Variants in NCSTN observed in about 807,000 individuals in gnomAD.
NCSTN encodes nicastrin.
Under a neutral mutation model 87.0 loss-of-function variants are expected in NCSTN, and 22 were observed. The ratio of observed to expected loss-of-function variants is 0.25; its 90% confidence interval spans 0.18 to 0.36. NCSTN has a LOEUF of 0.36. Among genes scored for constraint, NCSTN ranks in the 10% least tolerant of loss-of-function variants. The probability of loss-of-function intolerance (pLI) is 1.00; values close to 1 mark genes in which losing one functional copy is unlikely to be tolerated. For missense variants in NCSTN, 693 were observed against 883.3 expected, an observed-to-expected ratio of 0.78 and a Z score of 2.73; for synonymous variants, 306 against 327.1, an observed-to-expected ratio of 0.94 and a Z score of 0.69.
At chr1:160,349,240 G>A in intron 3 of NCSTN, 118 bp downstream of exon 3, 5 of 1,388,264 alleles carry the variant, frequency 3.6e-6, no homozygotes, top group Non-Finnish European at 5.0e-6. Context: ...AGGGGAGAGG[G>A]CAGGGTGGTC....
intron 10 of NCSTN, 112 bp from the exon 11 acceptor site, chr1:160,354,006 G>A: frequency 4.3e-6 from 5 of 1,156,210 alleles, no homozygotes; most frequent in Non-Finnish European, 6.3e-6. Context: ...ACTAGAGATA[G>A]GGTAGCTCCC....
chr1:160,348,317 A>G (rs1314845548), intron 2 of NCSTN, among the ~76,000 whole-genome samples: 1 of 152,242 alleles, frequency 6.6e-6, no homozygotes, highest in African/African-American at 2.4e-5. Context: ...GCATCCTGGC[A>G]CATAGAGAAA....
chr1:160,357,027 C>T lies in NCSTN; in HGVS notation c.1795-14C>T, dbSNP rs376736639. The T allele has an allele frequency of 9.9e-5, 159 of 1,607,506 alleles. 1 individual carries two copies. Among genetic ancestry groups the T allele is most frequent in the Non-Finnish European group, 1.3e-4 (157 of 1,174,442 alleles). On this transcript the variant is annotated splice_polypyrimidine_tract_variant and intron_variant, in intron 15 of 16. Transcript: ENST00000294785. ...ATCACCCTAGCCGTGTGTTGTGGCG[C>T]ATCTTCTGTGCAGCTGTATGAGTAC...
intron 1 of NCSTN, chr1:160,344,469 CT>C: frequency 6.6e-7 from 1 of 1,512,634 alleles, no homozygotes; most frequent in Non-Finnish European, 8.8e-7. Flanking sequence ...AGTTTTCTCT[CT>C]TTTAGTGTCA....
chr1:160,345,760 C>T (rs1327872684), intron 2 of NCSTN, among the ~76,000 whole-genome samples: 1 of 150,374 alleles, frequency 6.7e-6, no homozygotes, highest in Non-Finnish European at 1.5e-5. Context: ...ATGGTGAAAC[C>T]CCCCCATCTC....
rs1050620433 is a variant in NCSTN at position 160,356,732 on chromosome 1, A to G, written c.1772A>G (p.Lys591Arg). 3 of 1,614,244 alleles carry G rather than the reference A, an allele frequency of 1.9e-6. No homozygotes were observed. The highest frequency in any genetic ancestry group is 1.7e-6 in the Non-Finnish European group (2 of 1,180,044). ...LTREQCQDPS[K>R]VPSENKDLYE... ...CGAGAGCAGTGCCAGGATCCAAGTAAAGTCCCAAGTGAAAACAAGGATGTG... is the reference window on the plus strand; with the variant it reads ...CGAGAGCAGTGCCAGGATCCAAGTAGAGTCCCAAGTGAAAACAAGGATGTG... Residue 591 changes from lysine to arginine, a missense_variant, in exon 15 of 17, where the codon AAA (lysine) becomes AGA (arginine). Physicochemically the swap from Lys to Arg is conservative, Grantham distance 26. Transcript: ENST00000294785.
chr1:160,352,649 T>G (rs1173266140), intron 8 of NCSTN, among the ~76,000 whole-genome samples: 1 of 152,214 alleles, frequency 6.6e-6, no homozygotes, highest in Non-Finnish European at 1.5e-5. Flanking sequence ...CTTAGACCTT[T>G]ACTAAGGCTA....
Position 160,356,312 on chromosome 1 carries a change from A to G in NCSTN, c.1604A>G (p.Gln535Arg). Residue 535 changes from glutamine to arginine, a missense_variant, in exon 14 of 17, where the codon CAG (glutamine) becomes CGG (arginine). Around this residue, in one of 4 missense-constraint regions of NCSTN, gnomAD observed 216 missense variants for 311.7 expected, o/e 0.69. Coordinates refer to ENST00000294785, the MANE Select transcript of NCSTN (RefSeq NM_015331.3). The stretch of plus-strand genomic sequence containing the variant: ...ATTAAAGCCAACAACTCATGGTTCC[A>G]GTCTATCCTCAGGCAGGACCTAAGG... ...FLIKANNSWF[Q>R]SILRQDLRSY... is the part of the protein sequence containing the mutation. The G allele has an allele frequency of 6.2e-7, 1 of 1,613,852 alleles. No homozygotes were observed. The highest frequency in any genetic ancestry group is 8.5e-7 in the Non-Finnish European group (1 of 1,179,694).
Position 160,358,451 on chromosome 1 carries a change from C to T in NCSTN, c.*180C>T, listed in dbSNP as rs1649243765. On this transcript the variant is annotated 3_prime_UTR_variant, in exon 17 of 17. Coordinates refer to ENST00000294785, the MANE Select transcript of NCSTN (RefSeq NM_015331.3). ...AGAAATAAATAAATTGCCTCCCTTC[C>T]TCCGCTCCCCTTTCCCATCACCCCT... is the stretch of plus-strand genomic sequence containing the variant. 6.5e-6 allele frequency: 5 copies of T among 767,330 alleles called. No individual in the cohort carries two copies. Among genetic ancestry groups the T allele is most frequent in the South Asian group, 1.6e-5 (1 of 63,974 alleles). 47.5% of individuals were successfully genotyped at this position (767,330 alleles called of 1,614,324 possible). A position where few individuals can be genotyped will look rare whatever the true frequency, so the allele number is the denominator to read the frequency against.
chr1:160,350,261 T>A lies in NCSTN; in HGVS notation c.582+11T>A. On this transcript the variant is annotated intron_variant, in intron 5 of 16. Transcript: ENST00000294785. Reference sequence around the variant, plus strand: ...AAAGTCATCAAGCAGGTAATGACACTGCCAGCTCCTAGCAATTCCAGTTAG... The same window carrying A: ...AAAGTCATCAAGCAGGTAATGACACAGCCAGCTCCTAGCAATTCCAGTTAG... 1 of 1,613,598 alleles carries A rather than the reference T, an allele frequency of 6.2e-7. No individual in the cohort carries two copies. Among genetic ancestry groups the A allele is most frequent in the Non-Finnish European group, 8.5e-7 (1 of 1,179,584 alleles).
In NCSTN at chr1:160,352,200, T is replaced by A. The variant is rs1339168032; in HGVS notation, c.990T>A (p.Phe330Leu). ...CCCGCAATGTCATGTTTGTCTTCTT[T>A]CAAGGGGTAAGGGCTCTTTGGCTGG... is the stretch of plus-strand genomic sequence containing the variant. ...TLPRNVMFVF[F>L]QGETFDYIGS... Residue 330 changes from phenylalanine (F) to leucine (L), a missense_variant, in exon 8 of 17, where the codon TTT becomes TTA. Physicochemically the swap from Phe to Leu is conservative, Grantham distance 22 (BLOSUM62 0). Coordinates refer to ENST00000294785, the MANE Select transcript of NCSTN (RefSeq NM_015331.3). 6.2e-7 allele frequency: 1 copy of A among 1,613,972 alleles called. No homozygotes were observed. Among genetic ancestry groups the A allele is most frequent in the African/African-American group, 1.3e-5 (1 of 74,920 alleles).
chr1:160,352,824 C>T, intron 8 of NCSTN, 63 bp from the exon 9 acceptor site: 1 of 1,338,472 alleles, frequency 7.5e-7, no homozygotes, highest in South Asian at 1.2e-5. Flanking sequence ...ATCTGGCCGC[C>T]TTCGAGGCTC....
intron 1 of NCSTN, among the ~76,000 whole-genome samples, chr1:160,344,234 G>A (rs1246305420): frequency 6.6e-6 from 1 of 152,014 alleles, no homozygotes; most frequent in Non-Finnish European, 1.5e-5. Context: ...CACACTGTGG[G>A]CACACAAATG....
At position 160,356,748 on chromosome 1, in the gene NCSTN, C is replaced by A. The variant is rs1347404785; in HGVS notation, c.1788C>A (p.Asn596Lys). The change falls in exon 15 of 17, where the codon AAC becomes AAA. Residue 596 changes from asparagine (N) to lysine (K), a missense_variant. Coordinates refer to ENST00000294785, the MANE Select transcript of NCSTN (RefSeq NM_015331.3). The part of the protein sequence containing the change: ...CQDPSKVPSE[N>K]KDLYEYSWVQ... ...ATCCAAGTAAAGTCCCAAGTGAAAA[C>A]AAGGATGTGAGTGGTGGTGGGTGTT... The A allele has an allele frequency of 4.3e-6, 7 of 1,614,208 alleles. No individual in the cohort carries two copies. Among genetic ancestry groups the A allele is most frequent in the Non-Finnish European group, 5.9e-6 (7 of 1,180,044 alleles).
At chr1:160,349,755 A>G in intron 4 of NCSTN, 85 bp downstream of exon 4, 1 of 1,551,160 alleles carries the variant, frequency 6.4e-7, no homozygotes, top group African/African-American at 1.4e-5. Context: ...AGGGATGTAT[A>G]TGTGTTTGTG....
intron 11 of NCSTN, 73 bp downstream of exon 11, chr1:160,354,363 C>T (rs1256206247): frequency 2.0e-6 from 3 of 1,516,270 alleles, no homozygotes; most frequent in South Asian, 1.1e-5. Flanking sequence ...AGGAAGGTCA[C>T]TGCCCTCCGC....
intron 2 of NCSTN, among the ~76,000 whole-genome samples, chr1:160,346,034 A>G (rs532616657): frequency 2.6e-4 from 39 of 150,734 alleles, no homozygotes; most frequent in South Asian, 1.0e-3. Flanking sequence ...TTTTTTCCTT[A>G]AATTCAACTG....
intron 2 of NCSTN, chr1:160,345,147 G>A (rs758908510): frequency 9.7e-6 from 4 of 411,412 alleles, no homozygotes; most frequent in Non-Finnish European, 1.8e-5. Context: ...GATCATACTG[G>A]TAATAAGTGA....
At chr1:160,345,413 G>T (rs1226877581) in intron 2 of NCSTN, among the ~76,000 whole-genome samples, 3 of 151,884 alleles carry the variant, frequency 2.0e-5, no homozygotes, top group Non-Finnish European at 4.4e-5. Flanking sequence ...GGCTGGTCTC[G>T]AACTCTTGAC....
Sources: gnomAD v4.1 joint callset for allele counts (sites outside exome capture counted in the v4.1 genomes callset) on GRCh38, gnomAD v4.1.1 for gene constraint, gnomAD v4.1.1 regional missense constraint, MANE v1.5 for transcripts, NCBI Gene and HGNC (gene_info 2026-07-23, HGNC 2026-07-21) for gene names.